Variants in TRPM3 observed in about 807,000 individuals in gnomAD.
TRPM3 encodes long transient receptor potential channel 3.
A neutral mutation model predicts 181.2 loss-of-function variants in TRPM3; 77 were observed. The ratio of observed to expected loss-of-function variants is 0.42; its 90% CI spans 0.35 to 0.51. The LOEUF (loss-of-function observed/expected upper bound fraction) is 0.51, where lower values mean the gene tolerates loss of function less well. Among genes scored for constraint, TRPM3 ranks in the 20% least tolerant of loss-of-function variants. TRPM3 has a pLI of 0.01. For synonymous variants in TRPM3, 745 were observed against 796.4 expected (o/e 0.94, Z 1.09); for missense variants, 1,759 against 2,196.7 (o/e 0.80, Z 3.98).
At chr9:70,849,829 A>G (rs2095151491) in intron 3 of TRPM3, among the ~76,000 whole-genome samples, 1 of 152,200 alleles carries the variant, frequency 6.6e-6, no homozygotes, top group Non-Finnish European at 1.5e-5. Context: ...CCAGGAGATG[A>G]CAATTTATTG....
At chr9:71,336,674 C>G (rs7021531) in intron 1 of TRPM3, among the ~76,000 whole-genome samples, 145,911 of 152,286 alleles carry the variant, frequency 0.96, 69,981 homozygotes, top group Non-Finnish European at 0.98. Flanking sequence ...AATAAAGCTG[C>G]AGGCATCACA....
chr9:71,063,964 G>T (rs1459818252), intron 1 of TRPM3, among the ~76,000 whole-genome samples: 1 of 152,006 alleles, frequency 6.6e-6, no homozygotes, highest in East Asian at 1.9e-4. Context: ...GTCAAATTAG[G>T]TTGGAAACAT....
intron 5 of TRPM3, among the ~76,000 whole-genome samples, chr9:70,832,084 T>A (rs1370842067): frequency 5.7e-5 from 7 of 123,688 alleles, no homozygotes; most frequent in African/African-American, 2.2e-4. Context: ...TAGGTGGGAA[T>A]TGAACAATGA....
intron 1 of TRPM3, among the ~76,000 whole-genome samples, chr9:71,284,029 C>G (rs1169525867): frequency 6.6e-6 from 1 of 152,218 alleles, no homozygotes; most frequent in Admixed American, 6.5e-5. Flanking sequence ...AGCCCTGGTT[C>G]TGCCACTTGC....
Position 70,625,556 on chromosome 9 carries a change from A to G in TRPM3, c.1633-39T>C. ...CATAAGTTAAATAAGAAGATGCAGT[A>G]ATCGTCGGCAATAATAGAAAATCAA... On this transcript the variant is annotated intron_variant, in intron 12 of 25. Transcript: ENST00000677713. This position sits in a 1 kb window ranked among gnomAD's most constrained non-coding sequence, Gnocchi z 4.8. The G allele has an allele frequency of 1.3e-6, 2 of 1,582,072 alleles. No individual in the cohort carries two copies. The highest frequency in any genetic ancestry group is 1.7e-6 in the Non-Finnish European group (2 of 1,161,214).
chr9:70,566,497 C>T (rs1031052098), intron 22 of TRPM3, among the ~76,000 whole-genome samples: 4 of 152,046 alleles, frequency 2.6e-5, no homozygotes, highest in Non-Finnish European at 4.4e-5. Flanking sequence ...AAATCAAGCT[C>T]CAAGGCAAGG....
intron 1 of TRPM3, among the ~76,000 whole-genome samples, chr9:71,092,962 A>G (rs2066473617): frequency 6.6e-6 from 1 of 152,070 alleles, no homozygotes; most frequent in African/African-American, 2.4e-5. Flanking sequence ...ATCATCTGAT[A>G]TTCAACAAAC....
intron 1 of TRPM3, among the ~76,000 whole-genome samples, chr9:71,059,440 C>A (rs672801): frequency 0.24 from 35,728 of 151,990 alleles, 4,977 homozygotes; most frequent in East Asian, 0.33. Context: ...CCGATCAGAG[C>A]AAATGTTTCC....
At chr9:71,002,852 A>G (rs1370699444) in intron 1 of TRPM3, among the ~76,000 whole-genome samples, 1 of 152,134 alleles carries the variant, frequency 6.6e-6, no homozygotes. Flanking sequence ...CCATAAAACC[A>G]CAATGCTAAC....
chr9:70,963,585 T>G (rs1165912313), intron 1 of TRPM3, among the ~76,000 whole-genome samples: 1 of 152,136 alleles, frequency 6.6e-6, no homozygotes, highest in Non-Finnish European at 1.5e-5. Flanking sequence ...CTTCGAGGTA[T>G]GCATTGATAT....
intron 6 of TRPM3, among the ~76,000 whole-genome samples, chr9:70,815,030 C>G (rs536099734): frequency 5.2e-4 from 79 of 152,120 alleles, no homozygotes; most frequent in Non-Finnish European, 9.3e-4. Context: ...TTTCTCCCAC[C>G]TCAAGTCTCA....
chr9:71,101,072 AC>A (rs1360527247), intron 1 of TRPM3, among the ~76,000 whole-genome samples: 4 of 152,090 alleles, frequency 2.6e-5, no homozygotes, highest in African/African-American at 9.7e-5. Context: ...CCAGATGCCC[AC>A]CTGCTAGGTT....
intron 1 of TRPM3, among the ~76,000 whole-genome samples, chr9:70,998,972 G>T (rs751041660): frequency 5.9e-4 from 89 of 152,134 alleles, no homozygotes; most frequent in Non-Finnish European, 1.1e-3. Context: ...ATGGAGGGTA[G>T]ACAGACTTAC....
chr9:71,392,623 C>G (rs2093089670), intron 1 of TRPM3, among the ~76,000 whole-genome samples: 1 of 152,080 alleles, frequency 6.6e-6, no homozygotes, highest in African/African-American at 2.4e-5. Flanking sequence ...CTATGCCTCT[C>G]TATCAGAAGG....
intron 6 of TRPM3, among the ~76,000 whole-genome samples, chr9:70,786,121 T>C (rs2083526698): frequency 6.6e-6 from 1 of 151,090 alleles, no homozygotes; most frequent in South Asian, 2.1e-4. Flanking sequence ...AGTTTCCTTA[T>C]TGCTGCCTAT....
intron 1 of TRPM3, among the ~76,000 whole-genome samples, chr9:70,914,032 C>A (rs1380469661): frequency 1.3e-5 from 2 of 152,190 alleles, no homozygotes; most frequent in Non-Finnish European, 2.9e-5. Flanking sequence ...ATAAATACCA[C>A]ACTATGGTTT....
intron 1 of TRPM3, among the ~76,000 whole-genome samples, chr9:71,232,944 A>G (rs997191101): frequency 1.2e-4 from 19 of 152,132 alleles, no homozygotes; most frequent in Non-Finnish European, 2.1e-4. Flanking sequence ...TCACTGGGTA[A>G]TCCAGGGATC....
intron 1 of TRPM3, among the ~76,000 whole-genome samples, chr9:71,235,011 A>C (rs1457642898): frequency 2.6e-5 from 4 of 152,220 alleles, no homozygotes; most frequent in Non-Finnish European, 5.9e-5. Context: ...CTTCTCATGA[A>C]CAGCAGTTCT....
At chr9:71,298,389 G>A (rs1324119036) in intron 1 of TRPM3, among the ~76,000 whole-genome samples, 2 of 151,820 alleles carry the variant, frequency 1.3e-5, no homozygotes, top group Non-Finnish European at 2.9e-5. Flanking sequence ...GATGAATATG[G>A]TCCTGGGCAC....
Sources: allele counts gnomAD v4.1 joint callset (sites outside exome capture counted in the v4.1 genomes callset), GRCh38; gene constraint gnomAD v4.1.1; non-coding constraint Gnocchi (gnomAD v3.1); transcripts MANE v1.5; gene names NCBI Gene and HGNC (gene_info 2026-07-23, HGNC 2026-07-21).